Variants in ESRRG observed in about 807,000 individuals in gnomAD.
ESRRG encodes the protein estrogen-related receptor gamma.
Under a neutral mutation model 44.0 loss-of-function variants are expected in ESRRG, and 13 were observed. The observed-to-expected ratio is 0.30, with a 90% CI of 0.19 to 0.47. ESRRG has a LOEUF of 0.47. ESRRG is among the 20% of genes least tolerant of loss of function. The pLI, the probability that ESRRG is intolerant of heterozygous loss-of-function variation, is 1.00. For synonymous variants in ESRRG, 215 were observed against 214.6 expected (o/e 1.00, Z -0.02); for missense variants, 395 against 580.6 (o/e 0.68, Z 3.29).
At chr1:216,551,530 A>G (rs141567317) in intron 5 of ESRRG, among the ~76,000 whole-genome samples, 1 of 152,282 alleles carries the variant, frequency 6.6e-6, no homozygotes, top group East Asian at 1.9e-4. Flanking sequence ...TATTCTAACT[A>G]TAAAAAATTG....
At chr1:216,904,035 C>G (rs2059402092) in intron 2 of ESRRG, among the ~76,000 whole-genome samples, 1 of 152,158 alleles carries the variant, frequency 6.6e-6, no homozygotes, top group African/African-American at 2.4e-5. Flanking sequence ...GTTTCCTCAC[C>G]TGCAAAACAA....
chr1:216,727,126 G>A (rs919330080), upstream of ESRRG, among the ~76,000 whole-genome samples: 1 of 152,048 alleles, frequency 6.6e-6, no homozygotes, highest in African/African-American at 2.4e-5. Context: ...CATTTTTGAA[G>A]CAGGTTTTTA....
rs56959828 is a variant in ESRRG, at chr1:216,697,412, A to G, written c.57-19921T>C. On this transcript the variant is annotated intron_variant, in intron 1 of 6. Transcript: ENST00000408911. ...TGATTTGTGTTTGTTTAAGCACTTT[A>G]GTAATGTAGTCTGAGTTTTACCAAT... 2.8e-3 allele frequency among the ~76,000 whole-genome samples: 423 copies of G among 152,378 alleles called. 1 individual carries two copies. Among genetic ancestry groups the G allele is most frequent in the African/African-American group, 9.5e-3 (396 of 41,594 alleles).
intron 1 of ESRRG, chr1:216,715,058 G>A (rs553349468): frequency 2.2e-4 from 214 of 985,006 alleles, no homozygotes; most frequent in Middle Eastern, 1.0e-3. Flanking sequence ...AGAAAAAGGC[G>A]GCCACATGCT....
upstream of ESRRG, among the ~76,000 whole-genome samples, chr1:216,725,057 T>G (rs2152092796): frequency 6.6e-6 from 1 of 152,274 alleles, no homozygotes; most frequent in Non-Finnish European, 1.5e-5. Context: ...TCAAATTTTC[T>G]AGGTCTTTAA....
intron 5 of ESRRG, among the ~76,000 whole-genome samples, chr1:216,519,748 C>A (rs2045493522): frequency 6.8e-6 from 1 of 147,492 alleles, no homozygotes; most frequent in African/African-American, 2.5e-5. Flanking sequence ...TTAGGAAAAT[C>A]TTACAGGAAG....
At chr1:216,791,720 T>G (rs944552254) in intron 2 of ESRRG, among the ~76,000 whole-genome samples, 2 of 152,216 alleles carry the variant, frequency 1.3e-5, no homozygotes, top group East Asian at 3.9e-4. Context: ...ATAAGCACTA[T>G]CATTTTTATC....
intron 5 of ESRRG, among the ~76,000 whole-genome samples, chr1:216,561,142 A>C (rs2058656447): frequency 2.0e-5 from 3 of 152,212 alleles, no homozygotes; most frequent in Admixed American, 6.6e-5. Flanking sequence ...ACTGATAAAA[A>C]AAACCTATTC....
At chr1:216,647,156 A>AT (rs1428530852) in intron 3 of ESRRG, among the ~76,000 whole-genome samples, 2 of 152,144 alleles carry the variant, frequency 1.3e-5, no homozygotes, top group Non-Finnish European at 2.9e-5. Flanking sequence ...GTGCACCTTG[A>AT]TTAGTTCTTG....
At chr1:216,783,296 G>A (rs954986302) in intron 2 of ESRRG, among the ~76,000 whole-genome samples, 4 of 151,930 alleles carry the variant, frequency 2.6e-5, no homozygotes, top group Admixed American at 6.6e-5. Flanking sequence ...CTGAGAAAAA[G>A]GACTAATGAC....
At chr1:217,035,683 A>G (rs2082765370) in intron 1 of ESRRG, among the ~76,000 whole-genome samples, 1 of 151,684 alleles carries the variant, frequency 6.6e-6, no homozygotes, top group South Asian at 2.1e-4. Context: ...ATTCCGTGAA[A>G]AAAAAAAAAA....
chr1:216,547,492 C>G (rs530636992), intron 5 of ESRRG, among the ~76,000 whole-genome samples: 16 of 136,752 alleles, frequency 1.2e-4, no homozygotes, highest in African/African-American at 3.7e-4. Flanking sequence ...CATTTACACT[C>G]CCAGGTACAA....
intron 2 of ESRRG, among the ~76,000 whole-genome samples, chr1:216,790,546 A>G (rs180841063): frequency 6.6e-5 from 10 of 152,284 alleles, no homozygotes; most frequent in African/African-American, 2.4e-4. Context: ...TAAGGTTTGG[A>G]TAGGATTTTT....
chr1:216,561,432 A>G (rs946942580), intron 5 of ESRRG, among the ~76,000 whole-genome samples: 5 of 152,144 alleles, frequency 3.3e-5, no homozygotes, highest in African/African-American at 1.2e-4. Context: ...GACAGGTGAA[A>G]TTTCAGTTCT....
At chr1:216,565,102 CTTAG>C (rs2059452469) in intron 4 of ESRRG, among the ~76,000 whole-genome samples, 1 of 151,980 alleles carries the variant, frequency 6.6e-6, no homozygotes, top group Admixed American at 6.6e-5. Context: ...ATCAGTTGTC[CTTAG>C]TTCATTCTCT....
At chr1:217,099,538 A>G (rs1363613278) in intron 1 of ESRRG, among the ~76,000 whole-genome samples, 1 of 152,254 alleles carries the variant, frequency 6.6e-6, no homozygotes, top group Non-Finnish European at 1.5e-5. Flanking sequence ...ACCAAGGACC[A>G]ATACATCAGC....
At chr1:216,520,701 G>A (rs1211063279) in intron 5 of ESRRG, among the ~76,000 whole-genome samples, 1 of 152,056 alleles carries the variant, frequency 6.6e-6, no homozygotes, top group Non-Finnish European at 1.5e-5. Flanking sequence ...TGAGGACAGT[G>A]GTACCATCAT....
intron 1 of ESRRG, among the ~76,000 whole-genome samples, chr1:216,678,217 G>C (rs2076435379): frequency 6.6e-6 from 1 of 152,112 alleles, no homozygotes; most frequent in African/African-American, 2.4e-5. Flanking sequence ...ATTATTCCTA[G>C]AGCCTGCAAA....
At chr1:216,641,469 G>A (rs572219897) in intron 3 of ESRRG, among the ~76,000 whole-genome samples, 1 of 152,178 alleles carries the variant, frequency 6.6e-6, no homozygotes, top group South Asian at 2.1e-4. Context: ...TAATACTCCA[G>A]TGGTACACTA....
Sources: gnomAD v4.1 joint callset for allele counts (sites outside exome capture counted in the v4.1 genomes callset) on GRCh38, gnomAD v4.1.1 for gene constraint, MANE v1.5 for transcripts, NCBI Gene and HGNC (gene_info 2026-07-23, HGNC 2026-07-21) for gene names.